The following LYPD1 variants were observed in gnomAD, a reference collection of about 807,000 sequenced individuals.
The protein encoded by LYPD1 is ly6/PLAUR domain-containing protein 1.
Under a neutral mutation model 14.2 loss-of-function variants are expected in LYPD1, and 14 were observed. The ratio of observed to expected loss-of-function variants is 0.99; its 90% CI spans 0.65 to 1.54. LYPD1 has a LOEUF of 1.54. Ranked by LOEUF, LYPD1 falls within the 40% of genes most tolerant of loss-of-function variation. The pLI is 0.00. For missense variants in LYPD1, 165 were observed against 175.7 expected, an observed-to-expected ratio of 0.94 and a Z score of 0.34; for synonymous variants, 85 against 70.6, an observed-to-expected ratio of 1.20 and a Z score of -1.02.
At chr2:132,649,298 C>A (rs1303717629) in intron 2 of LYPD1, among the ~76,000 whole-genome samples, 1 of 152,120 alleles carries the variant, frequency 6.6e-6, no homozygotes, top group Non-Finnish European at 1.5e-5. Context: ...TAACACTGTG[C>A]CTCCTTTGAG....
intron 2 of LYPD1, among the ~76,000 whole-genome samples, chr2:132,664,388 A>C (rs1178589831): frequency 6.6e-6 from 1 of 152,212 alleles, no homozygotes; most frequent in African/African-American, 2.4e-5. Context: ...GTAAAACTAA[A>C]CTATCCAAGA....
At chr2:132,668,582 C>A in intron 1 of LYPD1, 45 bp from the exon 2 acceptor site, 1 of 1,598,982 alleles carries the variant, frequency 6.3e-7, no homozygotes. Flanking sequence ...CCCCACAGAG[C>A]CCACCCCGGA....
In LYPD1 at chr2:132,650,396, C is replaced by T. The variant is rs540442089; in HGVS notation, c.191-4116G>A. ...ATAGGTATAATTTCCATGAAGGCAA[C>T]GTGGCAATAGCTATCAACATTGCAA... is the stretch of plus-strand genomic sequence containing the variant. On this transcript the variant is annotated intron_variant, in intron 2 of 2. Transcript: ENST00000397463. Among the ~76,000 whole-genome samples, 172 of 152,266 alleles carry T rather than the reference C, an allele frequency of 1.1e-3. 1 individual carries two copies. The South Asian group carries it at 0.017, about 15-fold the overall frequency.
chr2:132,644,884 T>C lies in LYPD1; in HGVS notation c.*1161A>G, dbSNP rs1573717338. On this transcript the variant is annotated 3_prime_UTR_variant, in exon 3 of 3. Coordinates refer to ENST00000397463, the MANE Select transcript of LYPD1 (RefSeq NM_144586.7). ...TCTAAAGCATTTAATGGTCTTTCTT[T>C]AACACAGCCAACTCCCCCGGGTTTG... The C allele has an allele frequency of 1.7e-6, 1 of 583,100 alleles. No homozygotes were observed. Among genetic ancestry groups the C allele is most frequent in the South Asian group, 2.2e-5 (1 of 45,614 alleles). The allele number at this position is 583,100 out of a possible 1,614,324, so 36.1% of individuals were successfully genotyped here. A position where few individuals can be genotyped will look rare whatever the true frequency, so the allele number is the denominator to read the frequency against.
At position 132,669,849 on chromosome 2, in the gene LYPD1, G is replaced by A. The variant is rs1212827987; in HGVS notation, c.52+32C>T. The A allele has an allele frequency of 3.7e-6, 6 of 1,610,810 alleles. No individual in the cohort carries two copies. The highest frequency in any genetic ancestry group is 3.3e-5 in the South Asian group (3 of 90,718). On this transcript the variant is annotated intron_variant, in intron 1 of 2. Transcript: ENST00000397463. This position sits in a 1 kb window ranked among gnomAD's most constrained non-coding sequence, Gnocchi z 4.3. ...GCGGGTAGATGGATTGTGCGCACCT[G>A]GCCTCGGCTGCTGGCCTCTGGGTAT...
chr2:132,668,050 C>T (rs952920131), intron 2 of LYPD1, among the ~76,000 whole-genome samples: 1 of 152,210 alleles, frequency 6.6e-6, no homozygotes, highest in African/African-American at 2.4e-5. Flanking sequence ...TGACAATGCT[C>T]ACAGGCTACT....
chr2:132,669,761 C>T lies in LYPD1; in HGVS notation c.52+120G>A. 2.0e-6 allele frequency: 3 copies of T among 1,472,710 alleles called. No homozygotes were observed. In the South Asian group the frequency reaches 4.0e-5, roughly 19 times the overall value. The allele number at this position is 1,472,710 out of a possible 1,614,324, so 91.2% of individuals were successfully genotyped here. On this transcript the variant is annotated intron_variant, in intron 1 of 2. Coordinates refer to ENST00000397463, the MANE Select transcript of LYPD1 (RefSeq NM_144586.7). The surrounding 1 kb of genome is among the most constrained non-coding windows in gnomAD (Gnocchi z 4.3). ...GGGGCACCAGTCGCGGCCGCCAACT[C>T]CCGCTGGGCAGCCCCAGCGCAGGGC...
intron 2 of LYPD1, chr2:132,660,474 G>A (rs974187040): frequency 1.3e-5 from 2 of 152,190 alleles, no homozygotes; most frequent in African/African-American, 2.4e-5. Context: ...CTACAGCTCT[G>A]GCCTGTGAAA....
Position 132,669,800 on chromosome 2 carries a change from G to T in LYPD1, c.52+81C>A. ...CCAGCGCAGGGCTGGCCCCGAGGTG[G>T]GCGCCTTGGGGGCAAAAGGGCTGGC... On this transcript the variant is annotated intron_variant, in intron 1 of 2. Coordinates refer to ENST00000397463, the MANE Select transcript of LYPD1 (RefSeq NM_144586.7). The surrounding 1 kb of genome is among the most constrained non-coding windows in gnomAD (Gnocchi z 4.3). 1 of 1,573,444 alleles carries T rather than the reference G, an allele frequency of 6.4e-7. No homozygotes were observed.
intron 2 of LYPD1, among the ~76,000 whole-genome samples, chr2:132,649,738 G>C (rs57457802): frequency 0.12 from 18,217 of 152,070 alleles, 3,576 homozygotes; most frequent in African/African-American, 0.41. Flanking sequence ...TGCCAGGTGG[G>C]GAGGGCCCAG....
intron 2 of LYPD1, among the ~76,000 whole-genome samples, chr2:132,654,810 G>A (rs777636054): frequency 6.6e-5 from 10 of 151,844 alleles, no homozygotes; most frequent in African/African-American, 1.2e-4. Flanking sequence ...GTGCAGTGGC[G>A]CAATCTCGGC....
intron 2 of LYPD1, among the ~76,000 whole-genome samples, chr2:132,661,816 A>G (rs982817878): frequency 2.0e-5 from 3 of 152,150 alleles, no homozygotes; most frequent in Non-Finnish European, 2.9e-5. Context: ...GGTGATAGTT[A>G]CACTTCTCTA....
intron 2 of LYPD1, among the ~76,000 whole-genome samples, chr2:132,661,819 C>G (rs1372142951): frequency 6.6e-6 from 1 of 151,932 alleles, no homozygotes; most frequent in Non-Finnish European, 1.5e-5. Context: ...GATAGTTACA[C>G]TTCTCTATGA....
rs1316077774 is a variant in LYPD1 at position 132,669,668 on chromosome 2, G to T, written c.52+213C>A. On this transcript the variant is annotated intron_variant, in intron 1 of 2. Coordinates refer to ENST00000397463, the MANE Select transcript of LYPD1 (RefSeq NM_144586.7). The surrounding 1 kb of genome is among the most constrained non-coding windows in gnomAD (Gnocchi z 4.3). ...CGGACAAGCTGCAGCCCGGAGTCCC[G>T]CAAACCCGCCGCTCCCCGCTCTCCT... Among the ~76,000 whole-genome samples the T allele has an allele frequency of 6.6e-6, 1 of 151,960 alleles. No individual in the cohort carries two copies.
chr2:132,645,755 C>T lies in LYPD1; in HGVS notation c.*290G>A. ...AGGCAGATGCCCACCTCAGTGACTTCTAAGGACTGACTCTGCCAGCCTGGC... is the reference window on the plus strand; with the variant it reads ...AGGCAGATGCCCACCTCAGTGACTTTTAAGGACTGACTCTGCCAGCCTGGC... On this transcript the variant is annotated 3_prime_UTR_variant, in exon 3 of 3. Transcript: ENST00000397463. The T allele has an allele frequency of 8.8e-7, 1 of 1,134,532 alleles. No individual in the cohort carries two copies. The highest frequency in any genetic ancestry group is 1.2e-6 in the Non-Finnish European group (1 of 818,966). 70.3% of individuals were successfully genotyped at this position (1,134,532 alleles called of 1,614,324 possible).
chr2:132,651,908 G>A (rs1001774063), intron 2 of LYPD1, among the ~76,000 whole-genome samples: 8 of 152,312 alleles, frequency 5.3e-5, no homozygotes, highest in Admixed American at 3.3e-4. Context: ...TCCACAACAC[G>A]ATGAGGCATC....
intron 2 of LYPD1, among the ~76,000 whole-genome samples, chr2:132,661,458 T>G (rs1229884120): frequency 1.3e-5 from 2 of 152,052 alleles, no homozygotes; most frequent in African/African-American, 4.8e-5. Flanking sequence ...CATTCCATTC[T>G]CATTCTATCC....
intron 2 of LYPD1, among the ~76,000 whole-genome samples, chr2:132,656,512 T>TCTG (rs1682605722): frequency 6.6e-6 from 1 of 151,300 alleles, no homozygotes; most frequent in African/African-American, 2.5e-5. Context: ...AGATCTTCGA[T>TCTG]CTGCATCCAA....
upstream of LYPD1, among the ~76,000 whole-genome samples, chr2:132,670,393 G>C (rs1683625201): frequency 6.6e-6 from 1 of 152,132 alleles, no homozygotes; most frequent in South Asian, 2.1e-4. The surrounding 1 kb of genome is among the most constrained non-coding windows in gnomAD (Gnocchi z 4.5). Context: ...CTGGGAAAGG[G>C]GCGCCGGGGG....
Sources: gnomAD v4.1 joint callset for allele counts (sites outside exome capture counted in the v4.1 genomes callset) on GRCh38, gnomAD v4.1.1 for gene constraint, Gnocchi (gnomAD v3.1) non-coding constraint, MANE v1.5 for transcripts, NCBI Gene and HGNC (gene_info 2026-07-23, HGNC 2026-07-21) for gene names.